The following FHIT variants were observed in gnomAD, a reference collection of about 807,000 sequenced individuals.
FHIT encodes fragile histidine triad diadenosine triphosphatase.
In FHIT, 19 loss-of-function variants were observed where a neutral mutation model predicts 17.9. The ratio of observed to expected loss-of-function variants is 1.06; its 90% CI spans 0.74 to 1.56. The LOEUF (loss-of-function observed/expected upper bound fraction) is 1.56, where lower values mean the gene tolerates loss of function less well. Ranked by LOEUF, FHIT falls within the 40% of genes most tolerant of loss-of-function variation. The pLI is 0.00. For missense variants in FHIT, 248 were observed against 189.2 expected, an observed-to-expected ratio of 1.31 and a Z score of -1.82; for synonymous variants, 81 against 69.7, an observed-to-expected ratio of 1.16 and a Z score of -0.81.
chr3:60,930,754 T>G (rs1225624614), intron 3 of FHIT, among the ~76,000 whole-genome samples: 2 of 152,182 alleles, frequency 1.3e-5, no homozygotes, highest in African/African-American at 4.8e-5. Flanking sequence ...GGAACACTTT[T>G]ACACTGTTGG....
rs113848267 is a variant in FHIT at position 60,011,548 on chromosome 3, C to T, written c.250-148G>A. 5.1e-4 allele frequency: 345 copies of T among 680,630 alleles called. 2 individuals are homozygous for T. The highest frequency in any genetic ancestry group is 4.1e-3 in the African/African-American group (226 of 55,016). The allele number at this position is 680,630 out of a possible 1,614,324, so 42.2% of individuals were successfully genotyped here. A position where few individuals can be genotyped will look rare whatever the true frequency, so the allele number is the denominator to read the frequency against. The stretch of plus-strand genomic sequence containing the variant: ...ATGGGGACCATTGGCTTCAAATGTG[C>T]GGGATTAGACAGTTCTCCATTTCCG... On this transcript the variant is annotated intron_variant, in intron 6 of 9. Coordinates refer to ENST00000492590, the MANE Select transcript of FHIT (RefSeq NM_002012.4).
chr3:60,209,300 G>GT (rs375029389), intron 5 of FHIT, among the ~76,000 whole-genome samples: 11 of 152,178 alleles, frequency 7.2e-5, no homozygotes, highest in African/African-American at 2.7e-4. Context: ...CGGCAAGTAT[G>GT]TGCACAGCTA....
chr3:60,403,436 G>A (rs1012277938), intron 5 of FHIT, among the ~76,000 whole-genome samples: 1 of 152,016 alleles, frequency 6.6e-6, no homozygotes, highest in African/African-American at 2.4e-5. Context: ...CCAAAATGAA[G>A]GCCTCAGAAA....
At chr3:60,789,173 T>TAAAGAG (rs1443026766) in intron 4 of FHIT, among the ~76,000 whole-genome samples, 1 of 98,668 alleles carries the variant, frequency 1.0e-5, no homozygotes, top group African/African-American at 3.8e-5. Flanking sequence ...TATATATATA[T>TAAAGAG]ATAGAGAGAG....
intron 3 of FHIT, among the ~76,000 whole-genome samples, chr3:60,949,743 C>A (rs1256006648): frequency 6.6e-6 from 1 of 151,968 alleles, no homozygotes; most frequent in Admixed American, 6.6e-5. Context: ...TATTTATTTA[C>A]GTCGTTGTTA....
intron 5 of FHIT, among the ~76,000 whole-genome samples, chr3:60,320,748 T>C (rs772189976): frequency 2.0e-5 from 3 of 152,144 alleles, no homozygotes; most frequent in Non-Finnish European, 2.9e-5. Flanking sequence ...AAATTACAAG[T>C]AACATAAGAA....
intron 2 of FHIT, among the ~76,000 whole-genome samples, chr3:61,180,900 T>C (rs1219010870): frequency 2.6e-5 from 4 of 152,212 alleles, no homozygotes; most frequent in East Asian, 1.9e-4. Context: ...TAGTTAATGA[T>C]AGTAATCATT....
At chr3:60,849,558 T>G (rs1023405603) in intron 3 of FHIT, among the ~76,000 whole-genome samples, 1 of 151,590 alleles carries the variant, frequency 6.6e-6, no homozygotes, top group African/African-American at 2.4e-5. Flanking sequence ...GGTTTTTACT[T>G]TGGAAGATAA....
At chr3:60,244,697 C>A (rs908676124) in intron 5 of FHIT, among the ~76,000 whole-genome samples, 6 of 151,992 alleles carry the variant, frequency 3.9e-5, no homozygotes, top group Non-Finnish European at 7.4e-5. Flanking sequence ...CAGTATTTAC[C>A]ACACGTGTTG....
At chr3:60,926,009 C>T (rs570319340) in intron 3 of FHIT, among the ~76,000 whole-genome samples, 16 of 152,212 alleles carry the variant, frequency 1.1e-4, no homozygotes, top group East Asian at 3.9e-4. Flanking sequence ...AAGCTAACTA[C>T]CCTAAATATA....
At chr3:60,221,894 G>T (rs1411149087) in intron 5 of FHIT, among the ~76,000 whole-genome samples, 1 of 151,650 alleles carries the variant, frequency 6.6e-6, no homozygotes, top group Non-Finnish European at 1.5e-5. Context: ...CTAGTAGAGT[G>T]AAATTAGTTG....
chr3:60,484,945 TAAAC>T (rs1251007183), intron 5 of FHIT, among the ~76,000 whole-genome samples: 14 of 151,856 alleles, frequency 9.2e-5, no homozygotes, highest in Admixed American at 2.6e-4. Context: ...ACAAGGAACT[TAAAC>T]AAATTTACAA....
chr3:59,912,236 T>C (rs1013140911), intron 8 of FHIT, among the ~76,000 whole-genome samples: 1 of 152,198 alleles, frequency 6.6e-6, no homozygotes, highest in Non-Finnish European at 1.5e-5. Flanking sequence ...TTCCAGCCTC[T>C]TTCAAGGAGT....
intron 5 of FHIT, among the ~76,000 whole-genome samples, chr3:60,052,851 C>T (rs1277289760): frequency 6.7e-6 from 1 of 149,756 alleles, no homozygotes; most frequent in African/African-American, 2.4e-5. Context: ...ATAAGTATGT[C>T]CCGCGTAATA....
At chr3:60,050,533 A>C (rs1448361249) in intron 5 of FHIT, among the ~76,000 whole-genome samples, 1 of 152,200 alleles carries the variant, frequency 6.6e-6, no homozygotes, top group Non-Finnish European at 1.5e-5. Context: ...GAAAGAATGT[A>C]TGTGCATAAA....
chr3:60,677,354 C>T (rs1184097213), intron 4 of FHIT, among the ~76,000 whole-genome samples: 2 of 152,162 alleles, frequency 1.3e-5, no homozygotes, highest in Non-Finnish European at 2.9e-5. Context: ...TTATTCTATA[C>T]TCTATGTCTA....
intron 1 of FHIT, among the ~76,000 whole-genome samples, chr3:61,202,087 CACACGCACAT>C (rs1223015123): frequency 6.6e-6 from 1 of 151,930 alleles, no homozygotes; most frequent in Non-Finnish European, 1.5e-5. Flanking sequence ...CACACACACA[CACACGCACAT>C]ACACACACAT....
chr3:61,196,423 G>C (rs1345119607), intron 2 of FHIT, among the ~76,000 whole-genome samples: 1 of 151,602 alleles, frequency 6.6e-6, no homozygotes, highest in Non-Finnish European at 1.5e-5. Flanking sequence ...ACCAAAACTT[G>C]CTTTTAAAAA....
intron 8 of FHIT, among the ~76,000 whole-genome samples, chr3:59,892,584 A>G (rs181119883): frequency 1.3e-5 from 2 of 152,362 alleles, no homozygotes; most frequent in East Asian, 1.9e-4. Context: ...AAATTAAGCC[A>G]GAACACGAGA....
Sources: gnomAD v4.1 joint callset for allele counts (sites outside exome capture counted in the v4.1 genomes callset) on GRCh38, gnomAD v4.1.1 for gene constraint, MANE v1.5 for transcripts, NCBI Gene and HGNC (gene_info 2026-07-23, HGNC 2026-07-21) for gene names.